Variants in IMMP2L observed in about 807,000 individuals in gnomAD.
The protein encoded by IMMP2L is mitochondrial inner membrane protease subunit 2.
In IMMP2L, 18 loss-of-function variants were observed where a neutral mutation model predicts 19.3. That is an observed-to-expected ratio of 0.93 (90% CI 0.64 to 1.38). The LOEUF (loss-of-function observed/expected upper bound fraction) is 1.38. IMMP2L is among the 40% of genes most tolerant of loss of function. IMMP2L has a pLI of 0.00. For missense variants in IMMP2L, 233 were observed against 218.2 expected (o/e 1.07, Z -0.43); for synonymous variants, 76 against 73.0 (o/e 1.04, Z -0.21).
intron 3 of IMMP2L, among the ~76,000 whole-genome samples, chr7:111,117,794 T>A (rs1800071539): frequency 6.6e-6 from 1 of 152,064 alleles, no homozygotes; most frequent in Non-Finnish European, 1.5e-5. Context: ...AAGGAAAAAC[T>A]GGGTTTTAAT....
chr7:110,998,374 A>C (rs1247805361), intron 3 of IMMP2L, among the ~76,000 whole-genome samples: 1 of 152,148 alleles, frequency 6.6e-6, no homozygotes, highest in Admixed American at 6.6e-5. Context: ...TGAGGACCAT[A>C]CTTGTTCTCC....
chr7:111,154,131 T>C (rs1384930318), intron 3 of IMMP2L, among the ~76,000 whole-genome samples: 3 of 152,134 alleles, frequency 2.0e-5, no homozygotes, highest in Non-Finnish European at 4.4e-5. Context: ...TGTTTCTTAG[T>C]TTATTAAAAT....
intron 4 of IMMP2L, among the ~76,000 whole-genome samples, chr7:110,956,035 T>G (rs2129554718): frequency 6.6e-6 from 1 of 152,150 alleles, no homozygotes; most frequent in East Asian, 1.9e-4. Context: ...TGCTGGAACC[T>G]AATATGATTC....
At chr7:111,333,778 G>T (rs924234402) in intron 3 of IMMP2L, among the ~76,000 whole-genome samples, 2 of 152,086 alleles carry the variant, frequency 1.3e-5, no homozygotes, top group Non-Finnish European at 2.9e-5. Context: ...GGTCCTTCCT[G>T]CCCTTGAACA....
chr7:111,364,967 CAA>C (rs372903536), intron 3 of IMMP2L, among the ~76,000 whole-genome samples: 6 of 113,480 alleles, frequency 5.3e-5, no homozygotes, highest in Admixed American at 9.2e-5. Flanking sequence ...GAGACTCTGT[CAA>C]AAAAAAAAAA....
chr7:111,055,851 C>T (rs745857759), intron 3 of IMMP2L, among the ~76,000 whole-genome samples: 1 of 152,062 alleles, frequency 6.6e-6, no homozygotes, highest in Non-Finnish European at 1.5e-5. Flanking sequence ...TCATGGGATC[C>T]GATGTGCTAA....
In IMMP2L at chr7:111,289,843, GC is replaced by G. The variant is rs555365095; in HGVS notation, c.239+197394del. On this transcript the variant is annotated intron_variant, in intron 3 of 5. Coordinates refer to ENST00000405709, the MANE Select transcript of IMMP2L (RefSeq NM_032549.4). The stretch of plus-strand genomic sequence containing the variant: ...CTTATGCTTGGTTGTTGTGTTTTAA[GC>G]CTTCTGTGACCTCACGGAAATTTTG... 4.0e-4 allele frequency among the ~76,000 whole-genome samples: 61 copies of G among 151,870 alleles called. 2 individuals are homozygous for G. In the South Asian group the frequency reaches 0.011, roughly 26 times the overall value.
At chr7:111,238,344 T>C (rs1309543973) in intron 3 of IMMP2L, among the ~76,000 whole-genome samples, 2 of 152,030 alleles carry the variant, frequency 1.3e-5, no homozygotes, top group Admixed American at 6.6e-5. Flanking sequence ...TTTATTTATG[T>C]TTGACTTTGG....
chr7:110,901,636 T>C (rs1463063395), intron 4 of IMMP2L, among the ~76,000 whole-genome samples: 1 of 152,218 alleles, frequency 6.6e-6, no homozygotes, highest in Non-Finnish European at 1.5e-5. Context: ...GATGGAAGCT[T>C]CATTTACAAT....
chr7:111,170,070 C>T (rs775962999), intron 3 of IMMP2L, among the ~76,000 whole-genome samples: 2 of 151,842 alleles, frequency 1.3e-5, no homozygotes, highest in African/African-American at 2.4e-5. Context: ...TTTGTCTATA[C>T]ATATGCATAC....
At chr7:111,333,563 A>G (rs1284255479) in intron 3 of IMMP2L, among the ~76,000 whole-genome samples, 11 of 152,168 alleles carry the variant, frequency 7.2e-5, no homozygotes, top group Admixed American at 5.9e-4. Flanking sequence ...ATTGGATTGA[A>G]GGATGCAAAG....
At chr7:110,859,749 C>CAAGAAAA (rs1807195412) in intron 5 of IMMP2L, among the ~76,000 whole-genome samples, 1 of 92,856 alleles carries the variant, frequency 1.1e-5, no homozygotes. Context: ...GACCCTGTCT[C>CAAGAAAA]AAAAAAAAAA....
At chr7:111,107,057 C>T (rs1230512412) in intron 3 of IMMP2L, among the ~76,000 whole-genome samples, 3 of 151,826 alleles carry the variant, frequency 2.0e-5, no homozygotes, top group African/African-American at 7.3e-5. Context: ...AGAGAAGAGA[C>T]AGTTAAGCTG....
chr7:111,243,282 C>T (rs1815376574), intron 3 of IMMP2L, among the ~76,000 whole-genome samples: 1 of 151,848 alleles, frequency 6.6e-6, no homozygotes, highest in Non-Finnish European at 1.5e-5. Context: ...TCAATAAATA[C>T]TAATTCTCTA....
At chr7:111,024,361 G>C (rs774746413) in intron 3 of IMMP2L, among the ~76,000 whole-genome samples, 4 of 152,176 alleles carry the variant, frequency 2.6e-5, no homozygotes, top group Non-Finnish European at 4.4e-5. Flanking sequence ...CAGATCTCTA[G>C]AGGAGGCTCT....
At chr7:110,850,284 G>C (rs1306844064) in intron 5 of IMMP2L, among the ~76,000 whole-genome samples, 1 of 151,978 alleles carries the variant, frequency 6.6e-6, no homozygotes, top group Non-Finnish European at 1.5e-5. Context: ...ATTGCTCATT[G>C]GCATAAGACA....
intron 3 of IMMP2L, among the ~76,000 whole-genome samples, chr7:111,287,033 G>A (rs1392568102): frequency 1.3e-5 from 2 of 152,104 alleles, no homozygotes; most frequent in Non-Finnish European, 2.9e-5. Context: ...TTGCTCCATG[G>A]GGTTGTTACT....
chr7:110,958,288 T>C (rs1818572489), intron 4 of IMMP2L, among the ~76,000 whole-genome samples: 1 of 151,956 alleles, frequency 6.6e-6, no homozygotes, highest in Non-Finnish European at 1.5e-5. Flanking sequence ...ACAACCACAA[T>C]AACAACAATA....
chr7:111,171,421 A>G (rs1024578068), intron 3 of IMMP2L, among the ~76,000 whole-genome samples: 3 of 151,636 alleles, frequency 2.0e-5, no homozygotes, highest in African/African-American at 4.8e-5. Context: ...TAATATCACA[A>G]TAACTATTTA....
Sources: allele counts gnomAD v4.1 joint callset (sites outside exome capture counted in the v4.1 genomes callset), GRCh38; gene constraint gnomAD v4.1.1; transcripts MANE v1.5; gene names NCBI Gene and HGNC (gene_info 2026-07-23, HGNC 2026-07-21).